XYLT1: variants seen among roughly 807,000 people sequenced by gnomAD.
XYLT1 encodes beta-D-xylosyltransferase 1.
A neutral mutation model predicts 91.3 loss-of-function variants in XYLT1; 36 were observed. The observed-to-expected ratio is 0.39, with a 90% CI of 0.30 to 0.52. The LOEUF (loss-of-function observed/expected upper bound fraction) is 0.52, where lower values mean the gene tolerates loss of function less well. Ranked by LOEUF, XYLT1 falls within the 20% of genes least tolerant of loss-of-function variation. The pLI is 0.68. For missense variants in XYLT1, 1,242 were observed against 1,284.5 expected, an observed-to-expected ratio of 0.97 and a Z score of 0.51; for synonymous variants, 588 against 532.0, an observed-to-expected ratio of 1.11 and a Z score of -1.45.
chr16:17,230,538 A>C (rs539278263), intron 3 of XYLT1, among the ~76,000 whole-genome samples: 7 of 152,208 alleles, frequency 4.6e-5, no homozygotes, highest in Non-Finnish European at 8.8e-5. Context: ...TGTTTTCCAA[A>C]GGAAGCTGAT....
At chr16:17,313,598 T>G (rs1275935219) in intron 2 of XYLT1, among the ~76,000 whole-genome samples, 1 of 152,098 alleles carries the variant, frequency 6.6e-6, no homozygotes, top group Non-Finnish European at 1.5e-5. Flanking sequence ...AATTCTTTCC[T>G]TCAACAGCAT....
At chr16:17,282,264 C>T (rs1368351203) in intron 2 of XYLT1, among the ~76,000 whole-genome samples, 1 of 152,074 alleles carries the variant, frequency 6.6e-6, no homozygotes, top group African/African-American at 2.4e-5. Context: ...CTCACCCCAG[C>T]CCCCGACTTC....
chr16:17,215,898 CAA>C (rs2032848570), intron 3 of XYLT1, among the ~76,000 whole-genome samples: 1 of 152,036 alleles, frequency 6.6e-6, no homozygotes, highest in African/African-American at 2.4e-5. Flanking sequence ...TTAAGGACTG[CAA>C]TTGAAGAGAG....
At chr16:17,354,313 C>T (rs748918427) in intron 2 of XYLT1, among the ~76,000 whole-genome samples, 3 of 152,194 alleles carry the variant, frequency 2.0e-5, no homozygotes, top group Non-Finnish European at 4.4e-5. Context: ...CTGATGCCAA[C>T]AGATGCAAAG....
At chr16:17,427,103 C>T (rs1054441707) in intron 1 of XYLT1, among the ~76,000 whole-genome samples, 2 of 152,188 alleles carry the variant, frequency 1.3e-5, no homozygotes, top group African/African-American at 4.8e-5. Context: ...AAAGGGCTTC[C>T]TGCTAACACT....
At chr16:17,443,425 G>A (rs914799279) in intron 1 of XYLT1, among the ~76,000 whole-genome samples, 2 of 152,094 alleles carry the variant, frequency 1.3e-5, no homozygotes, top group South Asian at 2.1e-4. Flanking sequence ...GATAGTGAGC[G>A]AGTTCTCACG....
At chr16:17,437,051 G>A (rs892839065) in intron 1 of XYLT1, among the ~76,000 whole-genome samples, 4 of 152,158 alleles carry the variant, frequency 2.6e-5, no homozygotes, top group Non-Finnish European at 5.9e-5. Context: ...GAATCCTCAT[G>A]AGAACCTTCT....
intron 2 of XYLT1, among the ~76,000 whole-genome samples, chr16:17,330,552 C>T (rs550352225): frequency 8.6e-5 from 13 of 151,792 alleles, no homozygotes; most frequent in Non-Finnish European, 1.3e-4. Flanking sequence ...TTTGGGAGGC[C>T]GAGGCAGGCA....
At chr16:17,289,902 G>C (rs2141796761) in intron 2 of XYLT1, among the ~76,000 whole-genome samples, 1 of 152,354 alleles carries the variant, frequency 6.6e-6, no homozygotes, top group South Asian at 2.1e-4. Context: ...AAGAAAGGAA[G>C]ATGACGATGA....
chr16:17,125,689 C>A (rs1461883436), intron 10 of XYLT1, among the ~76,000 whole-genome samples: 5 of 152,142 alleles, frequency 3.3e-5, no homozygotes, highest in Admixed American at 3.3e-4. Context: ...GAGTCCCCAG[C>A]AATCACATGA....
At chr16:17,344,850 G>A (rs750446164) in intron 2 of XYLT1, among the ~76,000 whole-genome samples, 2 of 151,932 alleles carry the variant, frequency 1.3e-5, no homozygotes, top group South Asian at 2.1e-4. Flanking sequence ...ACAAGCATGC[G>A]CCACCACGCT....
At chr16:17,176,362 T>A (rs560351818) in intron 5 of XYLT1, among the ~76,000 whole-genome samples, 1 of 152,320 alleles carries the variant, frequency 6.6e-6, no homozygotes, top group African/African-American at 2.4e-5. Flanking sequence ...CACAGCTTCA[T>A]CCTTACAGTA....
intron 1 of XYLT1, among the ~76,000 whole-genome samples, chr16:17,467,697 A>T (rs1596562836): frequency 6.6e-6 from 1 of 152,250 alleles, no homozygotes; most frequent in South Asian, 2.1e-4. Flanking sequence ...AAAAAGGACA[A>T]ATGCTCTGAG....
chr16:17,457,402 C>T (rs780682073), intron 1 of XYLT1, among the ~76,000 whole-genome samples: 15 of 152,142 alleles, frequency 9.9e-5, no homozygotes, highest in Non-Finnish European at 1.9e-4. Flanking sequence ...TGCTGTTGTG[C>T]GTTTTTTGTT....
intron 8 of XYLT1, among the ~76,000 whole-genome samples, chr16:17,135,889 G>C (rs538717585): frequency 6.6e-6 from 1 of 152,384 alleles, no homozygotes; most frequent in Admixed American, 6.5e-5. Context: ...AGGTATGGCT[G>C]TGTTCCAACT....
At chr16:17,175,586 C>T (rs915477932) in intron 5 of XYLT1, among the ~76,000 whole-genome samples, 6 of 152,128 alleles carry the variant, frequency 3.9e-5, no homozygotes, top group African/African-American at 1.2e-4. Flanking sequence ...GTCATGGAGC[C>T]GGGAAGGAAT....
intron 3 of XYLT1, among the ~76,000 whole-genome samples, chr16:17,238,320 A>C (rs1333206836): frequency 6.6e-6 from 1 of 152,204 alleles, no homozygotes; most frequent in Non-Finnish European, 1.5e-5. Context: ...TAGACTGTAA[A>C]TATTAGGTTG....
chr16:17,351,222 G>C (rs1002323553), intron 2 of XYLT1, among the ~76,000 whole-genome samples: 4 of 152,112 alleles, frequency 2.6e-5, no homozygotes, highest in Non-Finnish European at 5.9e-5. Context: ...CACATTAGAA[G>C]ATAAATGTGT....
intron 3 of XYLT1, among the ~76,000 whole-genome samples, chr16:17,238,448 G>C (rs2033283006): frequency 6.6e-6 from 1 of 152,212 alleles, no homozygotes; most frequent in African/African-American, 2.4e-5. Context: ...CAACCACTCA[G>C]CTCTGCCCTT....
Sources: gnomAD v4.1 joint callset for allele counts (sites outside exome capture counted in the v4.1 genomes callset) on GRCh38, gnomAD v4.1.1 for gene constraint, MANE v1.5 for transcripts, NCBI Gene and HGNC (gene_info 2026-07-23, HGNC 2026-07-21) for gene names.